ZNF492: variants seen among roughly 807,000 people sequenced by gnomAD.
ZNF492 encodes zinc finger protein 492.
ZNF492 carries 3 observed loss-of-function variants against 6.4 expected under a neutral mutation model. The ratio of observed to expected loss-of-function variants is 0.47; its 90% CI spans 0.21 to 1.22. ZNF492 has a LOEUF of 1.22. Ranked by LOEUF, ZNF492 falls within the 50% of genes most tolerant of loss-of-function variation. ZNF492 has a pLI of 0.22. For synonymous variants in ZNF492, 112 were observed against 205.3 expected (o/e 0.55, Z 3.89); for missense variants, 356 against 612.5 (o/e 0.58, Z 4.42).
intron 1 of ZNF492, among the ~76,000 whole-genome samples, chr19:22,639,003 G>C (rs1454502183): frequency 2.0e-5 from 3 of 151,874 alleles, no homozygotes; most frequent in Non-Finnish European, 1.5e-5. Flanking sequence ...CACCACGCCT[G>C]GCTAATTTTT....
intron 3 of ZNF492, among the ~76,000 whole-genome samples, chr19:22,655,067 C>T (rs1352271029): frequency 5.3e-5 from 8 of 151,308 alleles, no homozygotes; most frequent in East Asian, 4.0e-4. Context: ...CCGAGGCAGG[C>T]GGATCACCTG....
At chr19:22,658,219 G>A (rs1352743404) in intron 3 of ZNF492, among the ~76,000 whole-genome samples, 1 of 151,990 alleles carries the variant, frequency 6.6e-6, no homozygotes, top group Non-Finnish European at 1.5e-5. Context: ...CCAAAAGCTT[G>A]AGAACATCCT....
At chr19:22,655,692 T>TTTAC (rs1263780758) in intron 3 of ZNF492, among the ~76,000 whole-genome samples, 2 of 145,128 alleles carry the variant, frequency 1.4e-5, no homozygotes, top group Non-Finnish European at 3.0e-5. Context: ...TTTTTTTTTT[T>TTTAC]TTACTTATTC....
At chr19:22,636,781 G>GCC (rs1340727311) in intron 1 of ZNF492, among the ~76,000 whole-genome samples, 57 of 142,462 alleles carry the variant, frequency 4.0e-4, no homozygotes, top group African/African-American at 1.5e-3. Context: ...TTACAGGCAT[G>GCC]CGCCACCACG....
At chr19:22,656,460 C>T (rs1971997603) in intron 3 of ZNF492, among the ~76,000 whole-genome samples, 1 of 152,008 alleles carries the variant, frequency 6.6e-6, no homozygotes, top group Admixed American at 6.6e-5. Context: ...GAGGATTTCC[C>T]ATGGTCACTG....
intron 3 of ZNF492, among the ~76,000 whole-genome samples, 178 bp from the exon 4 acceptor site, chr19:22,663,617 CTTTAA>C (rs1000233324): frequency 6.6e-6 from 1 of 152,092 alleles, no homozygotes; most frequent in African/African-American, 2.4e-5. Context: ...ACTTAACTTA[CTTTAA>C]TTTTTCAGAA....
At chr19:22,635,299 A>C (rs981977582) in intron 1 of ZNF492, among the ~76,000 whole-genome samples, 1 of 152,190 alleles carries the variant, frequency 6.6e-6, no homozygotes. Flanking sequence ...CAGGTTCTCA[A>C]GTCAACCCCC....
At chr19:22,652,925 T>C (rs1451681516) in intron 1 of ZNF492, among the ~76,000 whole-genome samples, 2 of 152,174 alleles carry the variant, frequency 1.3e-5, no homozygotes, top group Admixed American at 1.3e-4. Flanking sequence ...CTCCAGTTTA[T>C]TGTACACATT....
chr19:22,637,459 A>AT (rs1223984561), intron 1 of ZNF492, among the ~76,000 whole-genome samples: 3 of 151,734 alleles, frequency 2.0e-5, no homozygotes, highest in African/African-American at 4.8e-5. Context: ...GGCCTGGCTA[A>AT]TTTTTTTGGT....
At chr19:22,641,235 A>G (rs185429260) in intron 1 of ZNF492, among the ~76,000 whole-genome samples, 165 of 152,294 alleles carry the variant, frequency 1.1e-3, no homozygotes, top group Middle Eastern at 0.01. Context: ...GTAAGCATTT[A>G]ATGCTATAAT....
chr19:22,640,265 C>T (rs1329365045), intron 1 of ZNF492, among the ~76,000 whole-genome samples: 8 of 151,950 alleles, frequency 5.3e-5, no homozygotes, highest in African/African-American at 1.7e-4. Context: ...CGGGTTCAAG[C>T]AATTCTCCTG....
At chr19:22,657,530 A>G (rs896944071) in intron 3 of ZNF492, among the ~76,000 whole-genome samples, 7 of 152,128 alleles carry the variant, frequency 4.6e-5, no homozygotes, top group Non-Finnish European at 8.8e-5. Context: ...GTGCATGCCA[A>G]TGATTCAAAA....
At chr19:22,639,054 C>A (rs945826540) in intron 1 of ZNF492, among the ~76,000 whole-genome samples, 2 of 152,046 alleles carry the variant, frequency 1.3e-5, no homozygotes, top group African/African-American at 4.8e-5. Flanking sequence ...GTTGGCCAGG[C>A]TGGTCTTCAA....
At chr19:22,636,387 C>T (rs547024376) in intron 1 of ZNF492, among the ~76,000 whole-genome samples, 21 of 152,170 alleles carry the variant, frequency 1.4e-4, no homozygotes, top group South Asian at 1.0e-3. Flanking sequence ...TGAGCCACCG[C>T]GCCCAGCCTC....
At chr19:22,660,420 T>G (rs1972047182) in intron 3 of ZNF492, among the ~76,000 whole-genome samples, 1 of 151,716 alleles carries the variant, frequency 6.6e-6, no homozygotes, top group Non-Finnish European at 1.5e-5. Context: ...TACAGATTTT[T>G]TTTTTTGGTG....
chr19:22,636,023 C>G (rs991179656), intron 1 of ZNF492, among the ~76,000 whole-genome samples: 3 of 152,142 alleles, frequency 2.0e-5, no homozygotes, highest in African/African-American at 7.2e-5. Context: ...TCCTCCCATT[C>G]TCCAACCTCA....
chr19:22,640,922 G>A (rs1387299561), intron 1 of ZNF492, among the ~76,000 whole-genome samples: 1 of 152,038 alleles, frequency 6.6e-6, no homozygotes. Flanking sequence ...GTTCATAGTA[G>A]ACTTCAATAT....
chr19:22,663,566 A>C (rs901033552), intron 3 of ZNF492, among the ~76,000 whole-genome samples: 1 of 152,138 alleles, frequency 6.6e-6, no homozygotes, highest in East Asian at 1.9e-4. Flanking sequence ...TCTTTCTTCT[A>C]TGTGACTCTT....
rs920140486 is a variant in ZNF492, at chr19:22,667,553, A to C, written c.*2288A>C. Reference sequence around the variant, plus strand: ...ATGAACAGTTCAATTGTACAGTTTTAGTTTTTTTAAAATATACGATTGTTA... The same window carrying C: ...ATGAACAGTTCAATTGTACAGTTTTCGTTTTTTTAAAATATACGATTGTTA... On this transcript the variant is annotated 3_prime_UTR_variant, in exon 4 of 4. Coordinates refer to ENST00000456783, the MANE Select transcript of ZNF492 (RefSeq NM_020855.3). The C allele has an allele frequency of 6.6e-6, 1 of 152,004 alleles. No homozygotes were observed. Among genetic ancestry groups the C allele is most frequent in the African/African-American group, 2.4e-5 (1 of 41,446 alleles). 9.4% of individuals were successfully genotyped at this position (152,004 alleles called of 1,614,324 possible). A position where few individuals can be genotyped will look rare whatever the true frequency, so the allele number is the denominator to read the frequency against.
Sources: allele counts gnomAD v4.1 joint callset (sites outside exome capture counted in the v4.1 genomes callset), GRCh38; gene constraint gnomAD v4.1.1; transcripts MANE v1.5; gene names NCBI Gene and HGNC (gene_info 2026-07-23, HGNC 2026-07-21).